Variants in PHF20 observed in about 807,000 individuals in gnomAD.
PHF20 encodes the protein glioma-expressed antigen 2.
A neutral mutation model predicts 113.5 loss-of-function variants in PHF20; 23 were observed. The observed-to-expected ratio is 0.20, with a 90% CI of 0.15 to 0.29. The LOEUF is 0.29. Among genes scored for constraint, PHF20 ranks in the 10% least tolerant of loss-of-function variants. The pLI is 1.00. For synonymous variants in PHF20, 434 were observed against 457.3 expected (o/e 0.95, Z 0.65); for missense variants, 943 against 1,219.6 (o/e 0.77, Z 3.38).
In PHF20 at chr20:35,948,476, C is replaced by T. The variant is rs2056124259; in HGVS notation, c.*849C>T. 6.6e-6 allele frequency: 1 copy of T among 152,624 alleles called. No individual in the cohort carries two copies. The highest frequency in any genetic ancestry group is 6.5e-5 in the Admixed American group (1 of 15,282). The allele number at this position is 152,624 out of a possible 1,614,324, so 9.5% of individuals were successfully genotyped here. A position where few individuals can be genotyped will look rare whatever the true frequency, so the allele number is the denominator to read the frequency against. On this transcript the variant is annotated 3_prime_UTR_variant, in exon 18 of 18. Coordinates refer to ENST00000374012, the MANE Select transcript of PHF20 (RefSeq NM_016436.5). ...ACTCTTTCACTGTAAAGATTTGTTA[C>T]AAAGAATGTGGTTTGGGGAATTACC...
chr20:35,803,943 C>A (rs1163407508), intron 2 of PHF20, among the ~76,000 whole-genome samples: 1 of 152,132 alleles, frequency 6.6e-6, no homozygotes, highest in East Asian at 1.9e-4. Context: ...TGGCCTCCAA[C>A]TCCTGGGCTC....
chr20:35,824,938 T>G (rs1243723186), intron 2 of PHF20, among the ~76,000 whole-genome samples: 1 of 152,256 alleles, frequency 6.6e-6, no homozygotes, highest in Non-Finnish European at 1.5e-5. Context: ...TGTGGATGAA[T>G]AATTCCATTA....
intron 2 of PHF20, among the ~76,000 whole-genome samples, chr20:35,822,846 T>TAA (rs780275666): frequency 0.031 from 1,731 of 55,528 alleles, 57 homozygotes; most frequent in African/African-American, 0.05. Flanking sequence ...ACCCTGCTTC[T>TAA]AAAAAAAAAA....
At chr20:35,842,858 G>C in intron 3 of PHF20, 114 bp downstream of exon 3, 1 of 807,748 alleles carries the variant, frequency 1.2e-6, no homozygotes, top group Non-Finnish European at 2.0e-6. Context: ...TAGGCCTATA[G>C]TTGTAACCCT....
chr20:35,946,020 A>AT (rs1400144161), intron 17 of PHF20, among the ~76,000 whole-genome samples: 1 of 151,790 alleles, frequency 6.6e-6, no homozygotes, highest in Non-Finnish European at 1.5e-5. Flanking sequence ...AAATAACAAA[A>AT]ATTAGCCAGG....
intron 9 of PHF20, among the ~76,000 whole-genome samples, chr20:35,887,954 AAG>A (rs936733665): frequency 1.3e-5 from 2 of 151,954 alleles, no homozygotes. Flanking sequence ...AAAATAGATA[AAG>A]AAAACACTGC....
chr20:35,858,491 C>T (rs2042878609), intron 5 of PHF20, 110 bp downstream of exon 5: 3 of 581,730 alleles, frequency 5.2e-6, no homozygotes, highest in Non-Finnish European at 6.1e-6. Context: ...TTTATTTCCT[C>T]CATCTGACAC....
chr20:35,844,531 TC>T (rs2042587869), intron 3 of PHF20, among the ~76,000 whole-genome samples: 1 of 140,248 alleles, frequency 7.1e-6, no homozygotes. Context: ...CTCCCATTTT[TC>T]TTCACCATCA....
rs73618546 is a variant in PHF20, at chr20:35,916,251, G to A, written c.1826-1233G>A. 2.6e-5 allele frequency among the ~76,000 whole-genome samples: 4 copies of A among 152,262 alleles called. No individual in the cohort carries two copies. In the East Asian group the frequency reaches 5.8e-4, roughly 22 times the overall value. ...ATGGTGTCAGTAGACTTTCAGGGTT[G>A]CTGCCACACACCTTCAATTTGTAAA... On this transcript the variant is annotated intron_variant, in intron 12 of 17. Transcript: ENST00000374012.
chr20:35,801,621 T>C lies in PHF20; in HGVS notation c.83+16T>C, dbSNP rs769552995. On this transcript the variant is annotated intron_variant, in intron 2 of 17. Coordinates refer to ENST00000374012, the MANE Select transcript of PHF20 (RefSeq NM_016436.5). ...TAAAAAACTGGTACTTTTACATTTT[T>C]CTGTTAATTAAAGCCCTTCAGTAAA... 1.9e-6 allele frequency: 3 copies of C among 1,577,946 alleles called. No homozygotes were observed. Among genetic ancestry groups the C allele is most frequent in the Non-Finnish European group, 1.7e-6 (2 of 1,147,874 alleles).
At chr20:35,869,605 C>A in intron 7 of PHF20, 54 bp downstream of exon 7, 1 of 917,296 alleles carries the variant, frequency 1.1e-6, no homozygotes, top group Non-Finnish European at 1.8e-6. Context: ...TTTGGGTCAA[C>A]TTCCTCTATA....
At chr20:35,784,347 C>T (rs1002052574) in intron 1 of PHF20, among the ~76,000 whole-genome samples, 115 of 151,780 alleles carry the variant, frequency 7.6e-4, no homozygotes, top group African/African-American at 2.6e-3. Flanking sequence ...CCACTGCACC[C>T]GGCCACATTT....
chr20:35,850,296 G>GTTTTTTTTTT lies in PHF20; in HGVS notation c.340+2882_340+2891dup, dbSNP rs554100863. Among the ~76,000 whole-genome samples the GTTTTTTTTTT allele has an allele frequency of 6.1e-3, 381 of 62,350 alleles. 57 individuals carry two copies. The highest frequency in any genetic ancestry group is 0.021 in the Middle Eastern group (2 of 94). 40.9% of individuals were successfully genotyped at this position (62,350 alleles called of 152,430 possible). ...CTGGGGCTGCTTAGCTTCCCCCTCC[G>GTTTTTTTTTT]TTTTTTTTTTTTTTTTTTTTTTTTT... On this transcript the variant is annotated intron_variant, in intron 4 of 17. Transcript: ENST00000374012.
rs567790104 is a variant in PHF20, at chr20:35,939,236, T to C, written c.2712+128T>C. On this transcript the variant is annotated intron_variant, in intron 16 of 17. Coordinates refer to ENST00000374012, the MANE Select transcript of PHF20 (RefSeq NM_016436.5). ...TATTTAAATTTGCTTACCATAGATA[T>C]GTTTTGGTTTGCCAAAATGGGTGCA... 5.1e-6 allele frequency: 6 copies of C among 1,169,036 alleles called. No homozygotes were observed. In the East Asian group the frequency reaches 1.1e-4, roughly 21 times the overall value. The allele number at this position is 1,169,036 out of a possible 1,614,324, so 72.4% of individuals were successfully genotyped here.
intron 4 of PHF20, among the ~76,000 whole-genome samples, chr20:35,852,136 C>T (rs943955099): frequency 1.3e-5 from 2 of 152,090 alleles, no homozygotes; most frequent in Non-Finnish European, 2.9e-5. Context: ...GGTTATAAAG[C>T]GCTTGGATGG....
intron 1 of PHF20, among the ~76,000 whole-genome samples, chr20:35,784,906 GA>G (rs1013247550): frequency 6.6e-6 from 1 of 152,028 alleles, no homozygotes; most frequent in African/African-American, 2.4e-5. Flanking sequence ...CAAAAATGAG[GA>G]AGGGGTGGTG....
At chr20:35,839,364 C>T (rs2042500615) in intron 2 of PHF20, among the ~76,000 whole-genome samples, 1 of 141,762 alleles carries the variant, frequency 7.1e-6, no homozygotes, top group African/African-American at 2.7e-5. Flanking sequence ...GCACTCCATC[C>T]TGGGTGACAG....
intron 9 of PHF20, among the ~76,000 whole-genome samples, chr20:35,895,924 T>C (rs1299348026): frequency 6.6e-6 from 1 of 152,206 alleles, no homozygotes; most frequent in Non-Finnish European, 1.5e-5. Flanking sequence ...CGACGTCATA[T>C]GATCCGCCTG....
intron 2 of PHF20, among the ~76,000 whole-genome samples, chr20:35,839,020 G>T (rs1020059467): frequency 6.6e-6 from 1 of 150,664 alleles, no homozygotes; most frequent in Non-Finnish European, 1.5e-5. Context: ...AGTGATTTCC[G>T]TGTAAAGAAA....
Sources: allele counts gnomAD v4.1 joint callset (sites outside exome capture counted in the v4.1 genomes callset), GRCh38; gene constraint gnomAD v4.1.1; transcripts MANE v1.5; gene names NCBI Gene and HGNC (gene_info 2026-07-23, HGNC 2026-07-21).